KCNN3: variants seen among roughly 807,000 people sequenced by gnomAD.
The protein encoded by KCNN3 is potassium calcium-activated channel subfamily N member 3, also known as small conductance calcium-activated potassium channel protein 3.
In KCNN3, 16 loss-of-function variants were observed where a neutral mutation model predicts 62.9. The ratio of observed to expected loss-of-function variants is 0.25; its 90% confidence interval spans 0.17 to 0.39. The LOEUF (loss-of-function observed/expected upper bound fraction) is 0.39, where lower values mean the gene tolerates loss of function less well. Ranked by LOEUF, KCNN3 falls within the 10% of genes least tolerant of loss-of-function variation. The probability of loss-of-function intolerance (pLI) is 1.00; values close to 1 mark genes in which losing one functional copy is unlikely to be tolerated. For synonymous variants in KCNN3, 370 were observed against 389.2 expected (o/e 0.95, Z 0.58); for missense variants, 599 against 949.4 (o/e 0.63, Z 4.85).
chr1:154,856,158 T>C (rs905070661), intron 1 of KCNN3, among the ~76,000 whole-genome samples: 2 of 152,158 alleles, frequency 1.3e-5, no homozygotes, highest in Non-Finnish European at 2.9e-5. Flanking sequence ...GCTACTTACA[T>C]TATAGTAATT....
At chr1:154,839,413 C>T (rs1319010416) in intron 1 of KCNN3, among the ~76,000 whole-genome samples, 1 of 152,198 alleles carries the variant, frequency 6.6e-6, no homozygotes, top group African/African-American at 2.4e-5. Context: ...TCTGTTTTCC[C>T]TGTACAAAAT....
rs1157331891 is a variant in KCNN3 at position 154,698,258 on chromosome 1, G to C, written c.*9718C>G. 1 of 152,042 alleles carries C rather than the reference G, an allele frequency of 6.6e-6. No homozygotes were observed. The highest frequency in any genetic ancestry group is 1.5e-5 in the Non-Finnish European group (1 of 68,002). The allele number at this position is 152,042 out of a possible 1,614,324, so 9.4% of individuals were successfully genotyped here. A position where few individuals can be genotyped will look rare whatever the true frequency, so the allele number is the denominator to read the frequency against. ...TATGGGAAGGAAAGTAAGGGTACAG[G>C]GTTTTCAACTTGGGGAAATTCATTT... On this transcript the variant is annotated 3_prime_UTR_variant, in exon 8 of 8. Coordinates refer to ENST00000271915, the MANE Select transcript of KCNN3 (RefSeq NM_002249.6).
intron 2 of KCNN3, among the ~76,000 whole-genome samples, chr1:154,786,136 G>A (rs1649272489): frequency 6.6e-6 from 1 of 152,188 alleles, no homozygotes; most frequent in South Asian, 2.1e-4. Flanking sequence ...GGGTCCTTGA[G>A]GACAGACATC....
intron 5 of KCNN3, among the ~76,000 whole-genome samples, chr1:154,725,161 A>G (rs1347690493): frequency 1.3e-5 from 2 of 152,070 alleles, no homozygotes; most frequent in Non-Finnish European, 2.9e-5. Context: ...GCATAGAATG[A>G]TTCTTTAAAT....
At chr1:154,859,713 C>CTA (rs1462371847) in intron 1 of KCNN3, 3 of 1,614,074 alleles carry the variant, frequency 1.9e-6, no homozygotes, top group Non-Finnish European at 2.5e-6. Context: ...GTCTCTCCAT[C>CTA]TATAACCTGA....
intron 2 of KCNN3, among the ~76,000 whole-genome samples, chr1:154,799,814 G>A (rs748023282): frequency 1.4e-4 from 21 of 152,326 alleles, no homozygotes; most frequent in South Asian, 1.0e-3. Flanking sequence ...GCAGAGCATG[G>A]GACCCAGGAA....
rs147674503 is a variant in KCNN3 at position 154,708,827 on chromosome 1, T to C, written c.1900-555A>G. On this transcript the variant is annotated intron_variant, in intron 7 of 7. Transcript: ENST00000271915. ...GAGTTATTGCACATCTCCCAACCTC[T>C]ATTTTAACCCAGCAGACAGGATGTA... is the stretch of plus-strand genomic sequence containing the variant. 2.4e-3 allele frequency among the ~76,000 whole-genome samples: 372 copies of C among 152,248 alleles called. 2 individuals are homozygous for C. Among genetic ancestry groups the C allele is most frequent in the African/African-American group, 8.3e-3 (344 of 41,552 alleles).
chr1:154,728,670 G>A (rs557066128), intron 4 of KCNN3, among the ~76,000 whole-genome samples: 2 of 152,132 alleles, frequency 1.3e-5, no homozygotes, highest in South Asian at 4.2e-4. Flanking sequence ...GAAAAGAGAA[G>A]AGAAGAGAAG....
chr1:154,738,471 C>T (rs185433435), intron 3 of KCNN3, among the ~76,000 whole-genome samples: 228 of 152,298 alleles, frequency 1.5e-3, no homozygotes, highest in African/African-American at 5.1e-3. Flanking sequence ...GGTTTGCCTC[C>T]CATGCACCCT....
At chr1:154,821,214 C>T (rs565635290) in intron 2 of KCNN3, among the ~76,000 whole-genome samples, 2 of 152,274 alleles carry the variant, frequency 1.3e-5, no homozygotes, top group South Asian at 2.1e-4. Flanking sequence ...CTCTGGTCTT[C>T]GTCAATCTCT....
chr1:154,783,697 G>A (rs900363903), intron 2 of KCNN3, among the ~76,000 whole-genome samples: 1 of 152,204 alleles, frequency 6.6e-6, no homozygotes, highest in Non-Finnish European at 1.5e-5. Flanking sequence ...TGTGGGACTG[G>A]AAGGAGAGGG....
chr1:154,842,995 C>T (rs184558462), intron 1 of KCNN3, among the ~76,000 whole-genome samples: 23 of 152,214 alleles, frequency 1.5e-4, no homozygotes, highest in Admixed American at 3.9e-4. Flanking sequence ...TGAGATGACA[C>T]GTGTAAATAA....
intron 3 of KCNN3, among the ~76,000 whole-genome samples, chr1:154,753,472 G>A (rs562483051): frequency 2.2e-4 from 33 of 152,162 alleles, no homozygotes; most frequent in Non-Finnish European, 4.3e-4. Context: ...AAAACTTTGC[G>A]TCTTATGTTC....
chr1:154,774,036 A>C (rs1233128880), intron 2 of KCNN3, among the ~76,000 whole-genome samples: 1 of 151,948 alleles, frequency 6.6e-6, no homozygotes, highest in Non-Finnish European at 1.5e-5. Context: ...TTACCGAACC[A>C]CCCTGTGCCT....
intron 1 of KCNN3, among the ~76,000 whole-genome samples, chr1:154,843,173 C>T (rs1421054696): frequency 3.9e-5 from 6 of 152,062 alleles, no homozygotes; most frequent in South Asian, 2.1e-4. Flanking sequence ...GTAGCCTTGA[C>T]GGTCTGCTTG....
At chr1:154,789,180 C>T (rs545356965) in intron 2 of KCNN3, among the ~76,000 whole-genome samples, 100 of 152,258 alleles carry the variant, frequency 6.6e-4, no homozygotes, top group Non-Finnish European at 1.3e-3. Flanking sequence ...TTCCCTGCCT[C>T]GTAGCCTCTT....
chr1:154,722,073 T>C (rs1700361708), intron 5 of KCNN3, among the ~76,000 whole-genome samples: 1 of 152,024 alleles, frequency 6.6e-6, no homozygotes, highest in South Asian at 2.1e-4. Flanking sequence ...CTTCCCTCCC[T>C]ACAAACAAAT....
chr1:154,831,382 G>A (rs562440595), intron 1 of KCNN3, among the ~76,000 whole-genome samples: 3 of 152,296 alleles, frequency 2.0e-5, no homozygotes, highest in Non-Finnish European at 2.9e-5. Context: ...CCAATAGCCC[G>A]GGTCCTTGTA....
chr1:154,844,213 T>C (rs1644657688), intron 1 of KCNN3, among the ~76,000 whole-genome samples: 1 of 152,262 alleles, frequency 6.6e-6, no homozygotes, highest in Admixed American at 6.5e-5. Flanking sequence ...CAGATTTGCA[T>C]AATTCATGCA....
Sources: allele counts gnomAD v4.1 joint callset (sites outside exome capture counted in the v4.1 genomes callset), GRCh38; gene constraint gnomAD v4.1.1; transcripts MANE v1.5; gene names NCBI Gene and HGNC (gene_info 2026-07-23, HGNC 2026-07-21).